The following TMC7 variants were observed in gnomAD, a reference collection of about 807,000 sequenced individuals.
TMC7 encodes transmembrane channel-like protein 7.
A neutral mutation model predicts 82.9 loss-of-function variants in TMC7; 54 were observed. The ratio of observed to expected loss-of-function variants is 0.65; its 90% CI spans 0.52 to 0.82. The LOEUF is 0.82. Ranked by LOEUF, TMC7 falls within the 40% of genes least tolerant of loss-of-function variation. The probability of loss-of-function intolerance (pLI) is 0.00; values close to 1 mark genes in which losing one functional copy is unlikely to be tolerated. For synonymous variants in TMC7, 350 were observed against 337.9 expected, an observed-to-expected ratio of 1.04 and a Z score of -0.39; for missense variants, 820 against 901.2, an observed-to-expected ratio of 0.91 and a Z score of 1.15.
intron 1 of TMC7, among the ~76,000 whole-genome samples, chr16:18,992,755 A>G (rs1429990021): frequency 6.6e-6 from 1 of 152,170 alleles, no homozygotes; most frequent in African/African-American, 2.4e-5. Context: ...TCTTTAATCC[A>G]TCTTGAATTA....
intron 7 of TMC7, among the ~76,000 whole-genome samples, chr16:19,036,167 T>C (rs1960738799): frequency 6.6e-6 from 1 of 151,946 alleles, no homozygotes. Flanking sequence ...CCAGGAGAAA[T>C]GGGAGTGAGG....
At chr16:19,059,860 C>T in intron 15 of TMC7, 1 of 540,846 alleles carries the variant, frequency 1.8e-6, no homozygotes, top group South Asian at 2.0e-5. Flanking sequence ...ACCTGTAATC[C>T]CAGCTACTTG....
At chr16:19,004,662 G>A (rs1488821171) in intron 1 of TMC7, among the ~76,000 whole-genome samples, 2 of 152,240 alleles carry the variant, frequency 1.3e-5, no homozygotes, top group East Asian at 3.9e-4. Context: ...ACCGTGCCCA[G>A]CTTATACGGT....
At chr16:19,031,545 C>A (rs139279354) in intron 6 of TMC7, among the ~76,000 whole-genome samples, 2 of 152,162 alleles carry the variant, frequency 1.3e-5, no homozygotes, top group Non-Finnish European at 2.9e-5. Flanking sequence ...GTGGCACACA[C>A]CTGTAGTCCC....
chr16:19,004,419 C>T (rs1315207327), intron 1 of TMC7, among the ~76,000 whole-genome samples: 1 of 152,068 alleles, frequency 6.6e-6, no homozygotes, highest in Admixed American at 6.6e-5. Flanking sequence ...GGTTGGAGTG[C>T]AGTGGCGTGA....
chr16:19,000,042 C>CGT (rs972325151), intron 1 of TMC7, among the ~76,000 whole-genome samples: 36 of 152,086 alleles, frequency 2.4e-4, no homozygotes, highest in African/African-American at 8.2e-4. Context: ...GGATTACAGG[C>CGT]GTGTAATCAC....
At chr16:19,006,312 A>G (rs1342761307) in intron 1 of TMC7, among the ~76,000 whole-genome samples, 1 of 151,846 alleles carries the variant, frequency 6.6e-6, no homozygotes, top group Non-Finnish European at 1.5e-5. Flanking sequence ...GCGATCCTAA[A>G]TAGCTGGGAT....
chr16:19,019,434 A>C (rs1959862109), intron 3 of TMC7, among the ~76,000 whole-genome samples: 1 of 152,244 alleles, frequency 6.6e-6, no homozygotes, highest in Non-Finnish European at 1.5e-5. Flanking sequence ...TTTAAGTTTA[A>C]CATTATGTTT....
chr16:19,045,500 C>A (rs1961232095), intron 11 of TMC7, 62 bp downstream of exon 11: 2 of 1,145,882 alleles, frequency 1.7e-6, no homozygotes, highest in South Asian at 1.2e-5. Flanking sequence ...CACACATACA[C>A]ACACACACAA....
chr16:19,062,833 T>A lies in TMC7; in HGVS notation c.*990T>A, dbSNP rs978113369. 9 of 152,624 alleles carry A rather than the reference T, an allele frequency of 5.9e-5. No homozygotes were observed. The highest frequency in any genetic ancestry group is 3.9e-4 in the Admixed American group (6 of 15,274). 9.5% of individuals were successfully genotyped at this position (152,624 alleles called of 1,614,324 possible). A position where few individuals can be genotyped will look rare whatever the true frequency, so the allele number is the denominator to read the frequency against. ...GGACTGTAGTTTTGTAATGGACTTT[T>A]CAAGCCTTCCTTCCATTGTTTTTCT... is the stretch of plus-strand genomic sequence containing the variant. On this transcript the variant is annotated 3_prime_UTR_variant, in exon 16 of 16. Transcript: ENST00000304381.
chr16:19,024,729 C>T (rs986144150), intron 5 of TMC7, among the ~76,000 whole-genome samples: 1 of 151,634 alleles, frequency 6.6e-6, no homozygotes, highest in Non-Finnish European at 1.5e-5. Context: ...GATTTTGGCT[C>T]AGTGTGGTGG....
rs539474008 is a variant in TMC7 at position 19,016,637 on chromosome 16, A to T, written c.460+39A>T. The T allele has an allele frequency of 8.1e-6, 13 of 1,599,928 alleles. No homozygotes were observed. In the East Asian group the frequency reaches 2.9e-4, roughly 36 times the overall value. ...ACCTCTCTGCAGGCTCCTCCGCAGA[A>T]GTCTGTGTCTGGGGAGCAAGTACAG... On this transcript the variant is annotated intron_variant, in intron 3 of 15. Coordinates refer to ENST00000304381, the MANE Select transcript of TMC7 (RefSeq NM_024847.4).
intron 12 of TMC7, among the ~76,000 whole-genome samples, chr16:19,047,713 AT>A (rs35266186): frequency 0.39 from 48,350 of 122,614 alleles, 9,430 homozygotes; most frequent in African/African-American, 0.49. Flanking sequence ...CTCTTGATGG[AT>A]TTTTTTTTTT....
rs371395536 is a variant in TMC7, at chr16:19,061,854, C to T, written c.*11C>T. On this transcript the variant is annotated 3_prime_UTR_variant, in exon 16 of 16. Coordinates refer to ENST00000304381, the MANE Select transcript of TMC7 (RefSeq NM_024847.4). ...GACATGAGGAACTAACTAGACTGAG[C>T]GTGAAGATGGTGCTGCCTGTTGCTT... The T allele has an allele frequency of 1.1e-4, 182 of 1,611,310 alleles. No individual in the cohort carries two copies. The East Asian group carries it at 1.5e-3, about 13-fold the overall frequency.
In TMC7 at chr16:19,056,595, A is replaced by T; in HGVS notation, c.1925A>T (p.Glu642Val). ...GPFTNFNTTW[E>V]VIPKTVSTFP... is the part of the protein sequence containing the mutation. ...TTCACCAACTTCAACACCACCTGGG[A>T]GGTCATCCCCAAGACGGTGAGCACC... Residue 642 changes from glutamate (E) to valine (V), a missense_variant, in exon 14 of 16, where the codon GAG becomes GTG. By Grantham distance (121) the Glu-to-Val change is moderately radical. Around this residue, in one of 2 missense-constraint regions of TMC7, gnomAD observed 170 missense variants for 231.3 expected, o/e 0.74. Coordinates refer to ENST00000304381, the MANE Select transcript of TMC7 (RefSeq NM_024847.4). 6.2e-7 allele frequency: 1 copy of T among 1,614,066 alleles called. No homozygotes were observed. The highest frequency in any genetic ancestry group is 1.3e-5 in the African/African-American group (1 of 75,010).
At chr16:19,023,340 A>C in intron 5 of TMC7, 145 bp downstream of exon 5, 1 of 500,372 alleles carries the variant, frequency 2.0e-6, no homozygotes, top group East Asian at 3.2e-5. Context: ...CAGGATTTGC[A>C]GTTACCTCAT....
chr16:18,991,302 A>G lies in TMC7; in HGVS notation c.67+7172A>G, dbSNP rs181643888. Among the ~76,000 whole-genome samples, 472 of 152,338 alleles carry G rather than the reference A, an allele frequency of 3.1e-3. 2 individuals are homozygous for G. The highest frequency in any genetic ancestry group is 0.011 in the African/African-American group (457 of 41,580). On this transcript the variant is annotated intron_variant, in intron 1 of 15. Coordinates refer to ENST00000304381, the MANE Select transcript of TMC7 (RefSeq NM_024847.4). ...GAATAAGAGAAAGAGAAAAACAGGT[A>G]TTAAAGGACTAAGAATTGGGAGGAC...
chr16:19,024,773 G>A (rs748207630), intron 5 of TMC7, among the ~76,000 whole-genome samples: 2 of 152,016 alleles, frequency 1.3e-5, no homozygotes, highest in African/African-American at 2.4e-5. Flanking sequence ...TTGGGAGGCC[G>A]AGGTGGGTGG....
chr16:19,061,889 C>G lies in TMC7; in HGVS notation c.*46C>G. On this transcript the variant is annotated 3_prime_UTR_variant, in exon 16 of 16. Transcript: ENST00000304381. ...GTGCTGCCTGTTGCTTCTAAGCTGA[C>G]CTAGTGATTCTGCTGAGCCTACAGA... The G allele has an allele frequency of 6.5e-7, 1 of 1,531,430 alleles. No homozygotes were observed. Among genetic ancestry groups the G allele is most frequent in the Non-Finnish European group, 9.0e-7 (1 of 1,115,210 alleles). 94.9% of individuals were successfully genotyped at this position (1,531,430 alleles called of 1,614,324 possible).
Sources: allele counts gnomAD v4.1 joint callset (sites outside exome capture counted in the v4.1 genomes callset), GRCh38; gene constraint gnomAD v4.1.1; regional missense constraint gnomAD v4.1.1; transcripts MANE v1.5; gene names NCBI Gene and HGNC (gene_info 2026-07-23, HGNC 2026-07-21).